PDE4C: variants seen among roughly 807,000 people sequenced by gnomAD.
The protein encoded by PDE4C is phosphodiesterase 4C.
In PDE4C, 50 loss-of-function variants were observed where a neutral mutation model predicts 63.9. That is an observed-to-expected ratio of 0.78 (90% CI 0.62 to 0.99). PDE4C has a LOEUF of 0.99. PDE4C is among the 50% of genes least tolerant of loss of function. The pLI is 0.00. For synonymous variants in PDE4C, 377 were observed against 385.1 expected (o/e 0.98, Z 0.25); for missense variants, 777 against 899.1 (o/e 0.86, Z 1.74).
chr19:18,229,185 G>C (rs1168093936), upstream of PDE4C, among the ~76,000 whole-genome samples: 1 of 147,744 alleles, frequency 6.8e-6, no homozygotes, highest in Non-Finnish European at 1.5e-5. Context: ...CCTGACTTCA[G>C]GTGATCACCT....
chr19:18,210,788 A>G, exon 15 of PDE4C: 1 of 1,411,590 alleles, frequency 7.1e-7, no homozygotes, highest in East Asian at 2.5e-5. Context: ...GGAGCCACCT[A>G]TAACTAAGAG....
At chr19:18,250,304 T>C (rs1969216868), upstream of PDE4C, 2 of 399,094 alleles carry the variant, frequency 5.0e-6, no homozygotes, top group Non-Finnish European at 8.8e-6. Flanking sequence ...AGCCCAGCCC[T>C]ACCTTACCAT....
At chr19:18,244,616 G>A (rs1410010021) in intron 1 of PDE4C, among the ~76,000 whole-genome samples, 2 of 151,700 alleles carry the variant, frequency 1.3e-5, no homozygotes, top group Non-Finnish European at 2.9e-5. Context: ...GGGTTCAAGC[G>A]ATCCTTCTGC....
At chr19:18,216,688 G>A in intron 12 of PDE4C, 53 bp downstream of exon 12, 1 of 1,507,336 alleles carries the variant, frequency 6.6e-7, no homozygotes, top group Admixed American at 2.0e-5. Context: ...CAGATGAGAA[G>A]GATGCCCCGC....
intron 14 of PDE4C, 138 bp from the exon 15 acceptor site, chr19:18,211,414 C>G (rs1967933709): frequency 1.3e-6 from 1 of 764,542 alleles, no homozygotes; most frequent in Non-Finnish European, 2.1e-6. Flanking sequence ...CCTTCAAAAC[C>G]CTTTTCAAAT....
Position 18,241,255 on chromosome 19 carries a change from G to GTTTTTT in PDE4C, c.-210+6910_-210+6915dup, listed in dbSNP as rs200717537. ...TTCTTTCTTTCTTTTTTCTTCTCTT[G>GTTTTTT]TTTTTTTTTTTTTTTTTTTTTTTTT... On this transcript the variant is annotated intron_variant, in intron 1 of 15. Transcript: ENST00000594617. 5.9e-4 allele frequency among the ~76,000 whole-genome samples: 46 copies of GTTTTTT among 78,516 alleles called. 2 individuals carry two copies. The highest frequency in any genetic ancestry group is 1.7e-3 in the African/African-American group (35 of 20,170). 51.5% of individuals were successfully genotyped at this position (78,516 alleles called of 152,430 possible).
intron 12 of PDE4C, 124 bp downstream of exon 12, chr19:18,216,616 AG>A (rs1968205320): frequency 1.1e-6 from 1 of 915,398 alleles, no homozygotes. Context: ...AGACAGAGTG[AG>A]GACATGCCTG....
exon 1 of PDE4C, chr19:18,226,401 G>A (rs1256733698): frequency 1.4e-6 from 2 of 1,441,616 alleles, no homozygotes; most frequent in Non-Finnish European, 1.8e-6. Flanking sequence ...GGGCGGGCGC[G>A]GGGGGGCCCT....
rs140311157 is a variant in PDE4C, at chr19:18,213,290, T to C, written c.1512+78A>G. 6.1e-3 allele frequency: 7,877 copies of C among 1,301,040 alleles called. 165 individuals are homozygous for C. The Admixed American group carries it at 0.067, about 11-fold the overall frequency. The allele number at this position is 1,301,040 out of a possible 1,614,324, so 80.6% of individuals were successfully genotyped here. A position where few individuals can be genotyped will look rare whatever the true frequency, so the allele number is the denominator to read the frequency against. On this transcript the variant is annotated intron_variant, in intron 13 of 14. Coordinates refer to ENST00000262805, the Ensembl canonical transcript of PDE4C. ...CAGAGTGAGACTCCGTCTCAATAAA[T>C]AAATAAATACATAAATAAATAAATA...
chr19:18,229,976 CACCTGAATGCTT>C (rs2148049942), upstream of PDE4C, among the ~76,000 whole-genome samples: 1 of 152,306 alleles, frequency 6.6e-6, no homozygotes, highest in Non-Finnish European at 1.5e-5. Context: ...CCATGGCCCT[CACCTGAATGCTT>C]GTCGCCTGCT....
At chr19:18,229,182 T>G (rs1686505488), upstream of PDE4C, among the ~76,000 whole-genome samples, 1 of 150,436 alleles carries the variant, frequency 6.6e-6, no homozygotes, top group Non-Finnish European at 1.5e-5. Flanking sequence ...ACTCCTGACT[T>G]CAGGTGATCA....
intron 1 of PDE4C, among the ~76,000 whole-genome samples, chr19:18,246,830 G>T (rs1401333668): frequency 6.6e-6 from 1 of 152,174 alleles, no homozygotes; most frequent in African/African-American, 2.4e-5. Context: ...GGGAAGCTGA[G>T]GGAGGAGAAT....
At chr19:18,223,963 GGCC>G (rs1568672657) in intron 1 of PDE4C, among the ~76,000 whole-genome samples, 1 of 152,172 alleles carries the variant, frequency 6.6e-6, no homozygotes, top group Non-Finnish European at 1.5e-5. Flanking sequence ...TCCGCCCCAC[GGCC>G]GCCGACCACG....
exon 2 of PDE4C, chr19:18,222,306 C>T: frequency 1.2e-6 from 2 of 1,610,562 alleles, no homozygotes; most frequent in East Asian, 2.2e-5. Flanking sequence ...ACACGAGAGC[C>T]CATTTTCCAG....
upstream of PDE4C, among the ~76,000 whole-genome samples, chr19:18,248,955 G>C (rs1461207832): frequency 6.6e-6 from 1 of 151,542 alleles, no homozygotes; most frequent in East Asian, 1.9e-4. Flanking sequence ...AACCCAGGAG[G>C]CAGAGGTTGC....
chr19:18,243,041 T>G (rs1969071613), intron 1 of PDE4C, among the ~76,000 whole-genome samples: 1 of 152,002 alleles, frequency 6.6e-6, no homozygotes, highest in Non-Finnish European at 1.5e-5. Context: ...CTGAGATATG[T>G]TTTGGGGGCT....
upstream of PDE4C, among the ~76,000 whole-genome samples, chr19:18,234,538 A>T (rs1274288363): frequency 6.6e-6 from 1 of 152,106 alleles, no homozygotes; most frequent in African/African-American, 2.4e-5. Context: ...TGGGCGGGTG[A>T]GTGTGGTGCA....
At chr19:18,233,603 G>A in exon 1 of PDE4C, 1 of 459,066 alleles carries the variant, frequency 2.2e-6, no homozygotes, top group Non-Finnish European at 4.3e-6. Flanking sequence ...AGGGAGACAG[G>A]GTCTCAGGAG....
chr19:18,239,400 C>G (rs1969003102), intron 1 of PDE4C, among the ~76,000 whole-genome samples: 1 of 152,200 alleles, frequency 6.6e-6, no homozygotes, highest in African/African-American at 2.4e-5. Context: ...TTCAGCGCAA[C>G]AGATCTGGGT....
Sources: gnomAD v4.1 joint callset for allele counts (sites outside exome capture counted in the v4.1 genomes callset) on GRCh38, gnomAD v4.1.1 for gene constraint, MANE v1.5 for transcripts, NCBI Gene and HGNC (gene_info 2026-07-23, HGNC 2026-07-21) for gene names.